Variants in PIEZO1 observed in about 807,000 individuals in gnomAD.
PIEZO1 encodes the protein piezo type mechanosensitive ion channel component 1 (Er blood group), also known as piezo-type mechanosensitive ion channel component 1.
A neutral mutation model predicts 297.2 loss-of-function variants in PIEZO1; 296 were observed. The ratio of observed to expected loss-of-function variants is 1.00; its 90% CI spans 0.91 to 1.10. PIEZO1 has a LOEUF of 1.10. Ranked by LOEUF, PIEZO1 falls within the 50% of genes least tolerant of loss-of-function variation. PIEZO1 has a pLI of 0.00. For missense variants in PIEZO1, 5,018 were observed against 3,455.5 expected (o/e 1.45, Z -11.34); for synonymous variants, 2,427 against 1,507.5 (o/e 1.61, Z -14.13).
At chr16:88,717,734 A>AT (rs1428232247) in intron 44 of PIEZO1, 5 of 442,416 alleles carry the variant, frequency 1.1e-5, no homozygotes, top group Non-Finnish European at 2.3e-5. Flanking sequence ...TTTTCTGCAA[A>AT]TTTTAATTGA....
intron 44 of PIEZO1, chr16:88,718,011 A>C (rs765735613): frequency 6.0e-5 from 20 of 331,412 alleles, no homozygotes; most frequent in African/African-American, 1.5e-4. Context: ...TGAACCTGGG[A>C]GGCAGAGGCT....
At chr16:88,758,124 C>T (rs1906762508) in intron 1 of PIEZO1, among the ~76,000 whole-genome samples, 2 of 152,152 alleles carry the variant, frequency 1.3e-5, no homozygotes, top group South Asian at 4.1e-4. Context: ...TGTGGTCCCA[C>T]TATTTCAAGC....
At chr16:88,740,875 G>A (rs1260695603) in intron 5 of PIEZO1, 2 of 152,290 alleles carry the variant, frequency 1.3e-5, no homozygotes, top group East Asian at 3.9e-4. Flanking sequence ...AGGGACGAGA[G>A]GGTCTGAGCA....
intron 1 of PIEZO1, among the ~76,000 whole-genome samples, chr16:88,772,337 C>T (rs372470235): frequency 1.1e-4 from 16 of 152,342 alleles, no homozygotes; most frequent in East Asian, 5.8e-4. Context: ...GCTCTTGTGG[C>T]TTAGCCACCA....
chr16:88,734,023 G>A lies in PIEZO1; in HGVS notation c.2212C>T (p.Arg738Trp), dbSNP rs757100265. 48 of 1,543,594 alleles carry A rather than the reference G, an allele frequency of 3.1e-5. No homozygotes were observed. The highest frequency in any genetic ancestry group is 7.2e-5 in the South Asian group (6 of 83,304). ...QDAVSGTPLL[R>W]EEQQEHQQQQ... is the part of the protein sequence containing the mutation. ...TGCTGATGCTCCTGCTGCTCCTCCC[G>A]CAGCAGTGGGGTCCCACTCACTGCA... Residue 738 changes from arginine to tryptophan, a missense_variant, in exon 17 of 51, where the codon CGG becomes TGG. By Grantham distance (101) the Arg-to-Trp change is moderately radical. Coordinates refer to ENST00000301015, the MANE Select transcript of PIEZO1 (RefSeq NM_001142864.4).
intron 1 of PIEZO1, among the ~76,000 whole-genome samples, chr16:88,779,417 C>A (rs1907824876): frequency 6.6e-6 from 1 of 152,174 alleles, no homozygotes; most frequent in Admixed American, 6.5e-5. Context: ...CGCCTGTGCT[C>A]AGCATCGCGC....
At chr16:88,717,239 C>G in intron 44 of PIEZO1, 28 bp from the exon 45 acceptor site, 2 of 1,536,212 alleles carry the variant, frequency 1.3e-6, no homozygotes, top group Non-Finnish European at 8.8e-7. Context: ...AGGTCATACG[C>G]TCAGCTCTGC....
chr16:88,727,562 A>T lies in PIEZO1; in HGVS notation c.3296T>A (p.Leu1099His). The T allele has an allele frequency of 7.1e-7, 1 of 1,413,032 alleles. No individual in the cohort carries two copies. 87.5% of individuals were successfully genotyped at this position (1,413,032 alleles called of 1,614,324 possible). ...DFFRAPNSTN[L>H]ISDFLLLLCA... Reference sequence around the variant, plus strand: ...GGGTGGTGGGGGGCACTCACTGATGAGGTTGGTGGAGTTGGGGGCCCGGAA... The same window carrying T: ...GGGTGGTGGGGGGCACTCACTGATGTGGTTGGTGGAGTTGGGGGCCCGGAA... The change falls in exon 23 of 51, where the codon CTC becomes CAC. Residue 1099 changes from leucine (L) to histidine (H), a missense_variant. Leu to His is a moderately conservative substitution (Grantham distance 99). Coordinates refer to ENST00000301015, the MANE Select transcript of PIEZO1 (RefSeq NM_001142864.4).
intron 43 of PIEZO1, 32 bp from the exon 44 acceptor site, chr16:88,719,753 C>G: frequency 6.5e-7 from 1 of 1,550,250 alleles, no homozygotes; most frequent in Non-Finnish European, 8.7e-7. Context: ...GTCAGGTGGG[C>G]TCCCTCATGC....
chr16:88,765,219 G>A (rs924372240), intron 1 of PIEZO1, among the ~76,000 whole-genome samples: 4 of 152,350 alleles, frequency 2.6e-5, no homozygotes, highest in African/African-American at 9.6e-5. Context: ...AATGCAACCT[G>A]GCCACCTCCC....
Position 88,733,582 on chromosome 16 carries a change from A to G in PIEZO1, c.2487+6T>C. On this transcript the variant is annotated splice_donor_region_variant and intron_variant, in intron 18 of 50. Coordinates refer to ENST00000301015, the MANE Select transcript of PIEZO1 (RefSeq NM_001142864.4). Reference sequence around the variant, plus strand: ...GATGGGAAGCTGAGTTGCCTGCCACACTCACCTCCTTCAGGGCCACCCAGA... The same window carrying G: ...GATGGGAAGCTGAGTTGCCTGCCACGCTCACCTCCTTCAGGGCCACCCAGA... 1 of 1,538,358 alleles carries G rather than the reference A, an allele frequency of 6.5e-7. No individual in the cohort carries two copies. The highest frequency in any genetic ancestry group is 2.0e-5 in the Admixed American group (1 of 50,252).
chr16:88,756,811 T>C (rs1028116610), intron 1 of PIEZO1, among the ~76,000 whole-genome samples: 15 of 150,972 alleles, frequency 9.9e-5, no homozygotes, highest in Non-Finnish European at 1.6e-4. Flanking sequence ...GTGCAGTGGC[T>C]CATGCCTGTA....
At position 88,764,174 on chromosome 16, in the gene PIEZO1, G is replaced by A. The variant is rs142908953; in HGVS notation, c.65-14695C>T. Among the ~76,000 whole-genome samples, 494 of 152,284 alleles carry A rather than the reference G, an allele frequency of 3.2e-3. 3 individuals carry two copies. Among genetic ancestry groups the A allele is most frequent in the African/African-American group, 0.012 (478 of 41,564 alleles). On this transcript the variant is annotated intron_variant, in intron 1 of 50. Transcript: ENST00000301015. ...GGAAACCCAGAGGTCATGAAGCTGC[G>A]GAGGGTGGGGCGGGGTACGAAAGGG...
chr16:88,743,508 G>A (rs1340493218), intron 2 of PIEZO1: 2 of 455,632 alleles, frequency 4.4e-6, no homozygotes, highest in Non-Finnish European at 4.4e-6. Flanking sequence ...CTGGGTCTGG[G>A]TCCAAGGTGG....
In PIEZO1 at chr16:88,737,982, G is replaced by A. The variant is rs374283466; in HGVS notation, c.972C>T (p.Tyr324=). The change falls in exon 8 of 51, where the codon TAC becomes TAT. Residue 324 remains tyrosine (Y), a synonymous_variant. Transcript: ENST00000301015. ...GGAGCTTGCGCAGAGAGGCCGTGGCGTAGCACAGCAGCAGGAGGACGCCGG... is the reference window on the plus strand; with the variant it reads ...GGAGCTTGCGCAGAGAGGCCGTGGCATAGCACAGCAGCAGGAGGACGCCGG... ...ASPGVLLLLC[Y]ATASLRKLRA... is the part of the protein sequence containing the mutation. The A allele has an allele frequency of 6.7e-5, 103 of 1,534,728 alleles. No individual in the cohort carries two copies. The highest frequency in any genetic ancestry group is 7.9e-5 in the Admixed American group (4 of 50,894).
intron 27 of PIEZO1, 54 bp from the exon 28 acceptor site, chr16:88,725,738 T>C: frequency 3.2e-6 from 3 of 940,376 alleles, no homozygotes; most frequent in Non-Finnish European, 5.0e-6. Flanking sequence ...CCCAGCAACA[T>C]GGGCAGCCGC....
chr16:88,723,455 C>T, intron 31 of PIEZO1, 127 bp from the exon 32 acceptor site: 1 of 1,084,276 alleles, frequency 9.2e-7, no homozygotes. Context: ...ACCTCCGTGT[C>T]CCTGAGCCCC....
At chr16:88,738,130 C>T in intron 7 of PIEZO1, 25 bp from the exon 8 acceptor site, 1 of 1,535,736 alleles carries the variant, frequency 6.5e-7, no homozygotes, top group Non-Finnish European at 8.7e-7. Context: ...CCCGTCACAG[C>T]CTACCACCCC....
At chr16:88,750,597 G>T (rs1053422280) in intron 1 of PIEZO1, among the ~76,000 whole-genome samples, 1 of 152,210 alleles carries the variant, frequency 6.6e-6, no homozygotes, top group Non-Finnish European at 1.5e-5. Context: ...CCCACCCGGG[G>T]TCTCCCTGGC....
Sources: gnomAD v4.1 joint callset for allele counts (sites outside exome capture counted in the v4.1 genomes callset) on GRCh38, gnomAD v4.1.1 for gene constraint, MANE v1.5 for transcripts, NCBI Gene and HGNC (gene_info 2026-07-23, HGNC 2026-07-21) for gene names.